Variants in ATE1 observed in about 807,000 individuals in gnomAD.
ATE1 encodes the protein arginyltransferase 1, also known as arginyl-tRNA--protein transferase 1.
Under a neutral mutation model 70.5 loss-of-function variants are expected in ATE1, and 36 were observed. The observed-to-expected ratio is 0.51, with a 90% CI of 0.39 to 0.67. ATE1 has a LOEUF of 0.67. Ranked by LOEUF, ATE1 falls within the 30% of genes least tolerant of loss-of-function variation. The pLI is 0.00. For synonymous variants in ATE1, 232 were observed against 219.3 expected, an observed-to-expected ratio of 1.06 and a Z score of -0.51; for missense variants, 593 against 629.5, an observed-to-expected ratio of 0.94 and a Z score of 0.62.
chr10:121,868,581 C>T (rs1590568653), intron 8 of ATE1, among the ~76,000 whole-genome samples: 1 of 152,220 alleles, frequency 6.6e-6, no homozygotes, highest in East Asian at 1.9e-4. Context: ...ACGCTGTGCT[C>T]AGTGTTTGCC....
At chr10:121,771,311 C>T (rs1193262485) in intron 11 of ATE1, among the ~76,000 whole-genome samples, 3 of 152,114 alleles carry the variant, frequency 2.0e-5, no homozygotes. Context: ...CCTCGTGATC[C>T]ACCCGCCTTG....
upstream of ATE1, chr10:121,928,452 C>T (rs945113545): frequency 7.3e-6 from 11 of 1,513,970 alleles, no homozygotes; most frequent in Admixed American, 2.1e-5. Context: ...AGGGTCCGCT[C>T]GGGCCGACCA....
intron 10 of ATE1, among the ~76,000 whole-genome samples, chr10:121,790,962 A>ATATATATGTG (rs369054737): frequency 6.6e-6 from 1 of 150,878 alleles, no homozygotes; most frequent in African/African-American, 2.4e-5. Flanking sequence ...GTATATATAT[A>ATATATATGTG]TGTGTGTGTA....
At position 121,743,787 on chromosome 10, in the gene ATE1, C is replaced by T. The variant is rs756520822; in HGVS notation, c.1450G>A (p.Val484Ile). 5.0e-6 allele frequency: 8 copies of T among 1,614,124 alleles called. No individual in the cohort carries two copies. The highest frequency in any genetic ancestry group is 1.1e-5 in the South Asian group (1 of 91,080). The change falls in exon 12 of 12, where the codon GTT (valine) becomes ATT (isoleucine). Residue 484 changes from valine to isoleucine, a missense_variant. Around this residue, in one of 3 missense-constraint regions of ATE1, gnomAD observed 90 missense variants for 93.7 expected, o/e 0.96. Transcript: ENST00000224652. ...FHKRAIMPYG[V>I]YKKQQKDPSE... The stretch of plus-strand genomic sequence containing the variant: ...GGGTCTTTCTGCTGTTTCTTATAAA[C>T]ACCGTAAGGCATGATGGCTCTCTTG...
At chr10:121,852,665 C>T (rs1318485349) in intron 8 of ATE1, among the ~76,000 whole-genome samples, 6 of 152,098 alleles carry the variant, frequency 3.9e-5, no homozygotes, top group African/African-American at 1.2e-4. Flanking sequence ...GAGCTGAGAT[C>T]GCACCACTGC....
At chr10:121,748,295 T>A (rs1402129634) in intron 11 of ATE1, among the ~76,000 whole-genome samples, 1 of 152,196 alleles carries the variant, frequency 6.6e-6, no homozygotes, top group East Asian at 1.9e-4. Context: ...TTTTCCAGTA[T>A]GATATATACA....
chr10:121,924,569 G>A (rs1028702408), intron 1 of ATE1, among the ~76,000 whole-genome samples: 7 of 151,438 alleles, frequency 4.6e-5, no homozygotes, highest in African/African-American at 7.3e-5. Flanking sequence ...GCATAGTGGC[G>A]GGCGCCTGTA....
At chr10:121,906,761 G>A (rs1202198570) in intron 5 of ATE1, among the ~76,000 whole-genome samples, 1 of 151,824 alleles carries the variant, frequency 6.6e-6, no homozygotes, top group Non-Finnish European at 1.5e-5. Flanking sequence ...TCTACCCCCA[G>A]CTAATTTTTG....
chr10:121,777,396 A>G (rs1229074286), intron 11 of ATE1, among the ~76,000 whole-genome samples: 1 of 152,216 alleles, frequency 6.6e-6, no homozygotes, highest in South Asian at 2.1e-4. Flanking sequence ...TATCCCTAAG[A>G]TTTGAGCGAT....
intron 11 of ATE1, among the ~76,000 whole-genome samples, chr10:121,745,695 C>G (rs1320533554): frequency 6.6e-6 from 1 of 151,838 alleles, no homozygotes; most frequent in South Asian, 2.1e-4. Context: ...TCACTGCACT[C>G]CAGCCTGGGC....
intron 2 of ATE1, 31 bp from the exon 3 acceptor site, chr10:121,922,442 T>A: frequency 2.1e-6 from 3 of 1,414,846 alleles, no homozygotes; most frequent in Non-Finnish European, 3.0e-6. Flanking sequence ...TGTTAATGTC[T>A]TATATATTTT....
chr10:121,772,249 C>T (rs1427341155), intron 11 of ATE1, among the ~76,000 whole-genome samples: 2 of 152,192 alleles, frequency 1.3e-5, no homozygotes, highest in African/African-American at 4.8e-5. Flanking sequence ...ATCTGCAGGG[C>T]CAACTACCCG....
intron 1 of ATE1, among the ~76,000 whole-genome samples, chr10:121,924,678 C>T (rs1212639245): frequency 3.5e-5 from 5 of 141,746 alleles, no homozygotes; most frequent in East Asian, 2.0e-4. Flanking sequence ...CCAGCCCTGG[C>T]GACAGAGTGA....
intron 11 of ATE1, among the ~76,000 whole-genome samples, chr10:121,777,023 T>C (rs1350372184): frequency 6.6e-6 from 1 of 152,244 alleles, no homozygotes; most frequent in East Asian, 1.9e-4. Context: ...GCATTCTAGC[T>C]TTTAAGTAGT....
At chr10:121,851,987 A>G (rs928111562) in intron 8 of ATE1, among the ~76,000 whole-genome samples, 11 of 152,186 alleles carry the variant, frequency 7.2e-5, no homozygotes, top group African/African-American at 2.7e-4. Context: ...TGCTCCCAAA[A>G]TGGGTGCATA....
intron 9 of ATE1, among the ~76,000 whole-genome samples, chr10:121,839,084 T>A (rs1038002728): frequency 6.6e-6 from 1 of 152,094 alleles, no homozygotes. Flanking sequence ...ACTCCGCAAC[T>A]CATCTTCTCA....
chr10:121,753,934 C>T (rs1318772058), intron 11 of ATE1, among the ~76,000 whole-genome samples: 2 of 151,932 alleles, frequency 1.3e-5, no homozygotes, highest in Non-Finnish European at 2.9e-5. Flanking sequence ...CCCATGTGGT[C>T]AAGAAATTAG....
chr10:121,869,089 A>G (rs1949763400), intron 8 of ATE1, among the ~76,000 whole-genome samples: 1 of 152,234 alleles, frequency 6.6e-6, no homozygotes, highest in South Asian at 2.1e-4. Flanking sequence ...GTGGAGCTGA[A>G]GCCTAAGAGG....
chr10:121,753,035 A>G (rs531942868), intron 11 of ATE1, among the ~76,000 whole-genome samples: 1 of 152,316 alleles, frequency 6.6e-6, no homozygotes, highest in East Asian at 1.9e-4. Flanking sequence ...AATGTTTTGT[A>G]TTTTCCAGAA....
Sources: allele counts gnomAD v4.1 joint callset (sites outside exome capture counted in the v4.1 genomes callset), GRCh38; gene constraint gnomAD v4.1.1; regional missense constraint gnomAD v4.1.1; transcripts MANE v1.5; gene names NCBI Gene and HGNC (gene_info 2026-07-23, HGNC 2026-07-21).